DIP2B: variants seen among roughly 807,000 people sequenced by gnomAD.
DIP2B encodes DIP2 acetate--CoA ligase B (putative), also known as disco-interacting protein 2 homolog B.
A neutral mutation model predicts 198.0 loss-of-function variants in DIP2B; 76 were observed. That is an observed-to-expected ratio of 0.38 (90% CI 0.32 to 0.46). The LOEUF (loss-of-function observed/expected upper bound fraction) is 0.46. DIP2B is among the 20% of genes least tolerant of loss of function. The probability of loss-of-function intolerance (pLI) is 0.99; values close to 1 mark genes in which losing one functional copy is unlikely to be tolerated. For missense variants in DIP2B, 1,559 were observed against 1,978.4 expected (o/e 0.79, Z 4.02); for synonymous variants, 701 against 739.1 (o/e 0.95, Z 0.84).
At chr12:50,526,793 G>A (rs1025404872) in intron 1 of DIP2B, among the ~76,000 whole-genome samples, 25 of 151,916 alleles carry the variant, frequency 1.6e-4, no homozygotes, top group East Asian at 7.7e-4. Flanking sequence ...GTGCCACCAC[G>A]CTTGGCTACT....
intron 10 of DIP2B, among the ~76,000 whole-genome samples, chr12:50,684,002 A>G (rs944768678): frequency 7.2e-5 from 11 of 152,036 alleles, no homozygotes; most frequent in African/African-American, 1.9e-4. Flanking sequence ...AGTCCCAGCT[A>G]TTTGAGAAGC....
intron 1 of DIP2B, among the ~76,000 whole-genome samples, chr12:50,540,066 T>G (rs1487836347): frequency 1.7e-4 from 24 of 137,942 alleles, no homozygotes; most frequent in Non-Finnish European, 3.1e-4. Context: ...TTTTTTTTTT[T>G]TTTTTTTTTT....
rs755704625 is a variant in DIP2B, at chr12:50,675,442, G to T, written c.910G>T (p.Val304Leu). The T allele has an allele frequency of 4.3e-6, 7 of 1,613,386 alleles. No individual in the cohort carries two copies. Among genetic ancestry groups the T allele is most frequent in the Middle Eastern group, 3.3e-4 (2 of 6,056 alleles). The change falls in exon 7 of 38, where the codon GTG becomes TTG. Residue 304 changes from valine (V) to leucine (L), a missense_variant. Val to Leu is a conservative substitution (Grantham distance 32). Coordinates refer to ENST00000301180, the MANE Select transcript of DIP2B (RefSeq NM_173602.3). ...EFFVDDSEEIVEVPQPDPNQP... is the reference protein window; with the variant it reads ...EFFVDDSEEILEVPQPDPNQP... ...TTTTGTGGATGACTCTGAAGAAATT[G>T]TGGAAGGTAGTAGTAAAAATACCAA... is the stretch of plus-strand genomic sequence containing the variant.
chr12:50,550,725 C>G (rs940169565), intron 1 of DIP2B, among the ~76,000 whole-genome samples: 6 of 152,196 alleles, frequency 3.9e-5, no homozygotes, highest in African/African-American at 4.8e-5. Context: ...GTAAATACTA[C>G]TGTAGCCCAG....
intron 21 of DIP2B, 23 bp from the exon 22 acceptor site, chr12:50,708,425 T>C: frequency 8.3e-6 from 13 of 1,561,158 alleles, no homozygotes; most frequent in Non-Finnish European, 1.1e-5. Flanking sequence ...GGAGTCCTGA[T>C]GTGTTTGATC....
chr12:50,725,565 G>A (rs1449155199), intron 28 of DIP2B, among the ~76,000 whole-genome samples: 2 of 152,096 alleles, frequency 1.3e-5, no homozygotes, highest in Non-Finnish European at 2.9e-5. Flanking sequence ...CTGAGTATCC[G>A]TACTAACCTG....
At chr12:50,624,918 G>A (rs1937903034) in intron 1 of DIP2B, among the ~76,000 whole-genome samples, 1 of 152,142 alleles carries the variant, frequency 6.6e-6, no homozygotes, top group Admixed American at 6.5e-5. Context: ...TGGAGGCTGA[G>A]GCCAACAGCA....
intron 2 of DIP2B, among the ~76,000 whole-genome samples, chr12:50,627,633 A>C (rs144533871): frequency 2.0e-5 from 3 of 152,304 alleles, no homozygotes; most frequent in African/African-American, 7.2e-5. Context: ...CTGGCCTACT[A>C]TGAGAAATCT....
intron 1 of DIP2B, 94 bp from the exon 2 acceptor site, chr12:50,625,882 T>TATTCC: frequency 7.7e-7 from 1 of 1,297,726 alleles, no homozygotes. Flanking sequence ...CTATATGGGG[T>TATTCC]AGTTCTATAA....
chr12:50,516,196 C>T (rs75758664), intron 1 of DIP2B, among the ~76,000 whole-genome samples: 1 of 151,188 alleles, frequency 6.6e-6, no homozygotes, highest in Non-Finnish European at 1.5e-5. Context: ...ATGACCTAAT[C>T]ACCTCCTAGA....
chr12:50,740,495 G>A lies in DIP2B; in HGVS notation c.4354+909G>A, dbSNP rs80157944. Among the ~76,000 whole-genome samples, 929 of 152,258 alleles carry A rather than the reference G, an allele frequency of 6.1e-3. 9 individuals are homozygous for A. The highest frequency in any genetic ancestry group is 0.022 in the African/African-American group (895 of 41,534). On this transcript the variant is annotated intron_variant, in intron 36 of 37. Coordinates refer to ENST00000301180, the MANE Select transcript of DIP2B (RefSeq NM_173602.3). The stretch of plus-strand genomic sequence containing the variant: ...CATGATGCATTTAGATGCCAAGAAC[G>A]GTGCCTGGCACACAGGAAGCACCCA...
At chr12:50,705,702 GC>G (rs1411152427) in intron 20 of DIP2B, among the ~76,000 whole-genome samples, 1 of 152,234 alleles carries the variant, frequency 6.6e-6, no homozygotes, top group Non-Finnish European at 1.5e-5. Flanking sequence ...TGGCTTTTCA[GC>G]CTTTGTTGGA....
At chr12:50,538,351 G>A (rs550416568) in intron 1 of DIP2B, among the ~76,000 whole-genome samples, 1 of 152,220 alleles carries the variant, frequency 6.6e-6, no homozygotes, top group Non-Finnish European at 1.5e-5. Flanking sequence ...AGCCATCGGG[G>A]AGTGTGAGAG....
intron 3 of DIP2B, among the ~76,000 whole-genome samples, chr12:50,649,744 T>C (rs1335662785): frequency 3.9e-5 from 6 of 152,060 alleles, no homozygotes; most frequent in African/African-American, 1.4e-4. Context: ...TAGTCCCAGC[T>C]ACTCAGGATG....
At chr12:50,677,565 A>G (rs566045009) in intron 7 of DIP2B, among the ~76,000 whole-genome samples, 7 of 152,244 alleles carry the variant, frequency 4.6e-5, no homozygotes, top group African/African-American at 1.7e-4. Flanking sequence ...CAGTGAGCCG[A>G]GATCGCTCCA....
At chr12:50,725,620 C>G (rs1939918421) in intron 28 of DIP2B, among the ~76,000 whole-genome samples, 1 of 152,134 alleles carries the variant, frequency 6.6e-6, no homozygotes, top group South Asian at 2.1e-4. Flanking sequence ...TAACACAAAG[C>G]TTCTAGCATG....
At chr12:50,618,533 T>G (rs1937745173) in intron 1 of DIP2B, among the ~76,000 whole-genome samples, 1 of 152,214 alleles carries the variant, frequency 6.6e-6, no homozygotes. Context: ...TTTTGTGATG[T>G]TTTCTCAATC....
At chr12:50,603,057 G>A (rs1323885037) in intron 1 of DIP2B, among the ~76,000 whole-genome samples, 5 of 151,512 alleles carry the variant, frequency 3.3e-5, no homozygotes, top group Non-Finnish European at 5.9e-5. Flanking sequence ...CCAGCTACTC[G>A]GGAGGCTGAG....
rs1425568583 is a variant in DIP2B, at chr12:50,721,295, G to A, written c.3065G>A (p.Ser1022Asn). ...AAGGGAACCACTGTATGCACAGCCA[G>A]CTGCCTTCAGCTTCATAAGCGAGCA... The part of the protein sequence containing the change: ...NAKGTTVCTA[S>N]CLQLHKRAER... The change falls in exon 26 of 38, where the codon AGC becomes AAC. Residue 1022 changes from serine (S) to asparagine (N), a missense_variant. Coordinates refer to ENST00000301180, the MANE Select transcript of DIP2B (RefSeq NM_173602.3). 6.2e-7 allele frequency: 1 copy of A among 1,614,118 alleles called. No homozygotes were observed. Among genetic ancestry groups the A allele is most frequent in the Admixed American group, 1.7e-5 (1 of 60,012 alleles).
Sources: allele counts gnomAD v4.1 joint callset (sites outside exome capture counted in the v4.1 genomes callset), GRCh38; gene constraint gnomAD v4.1.1; transcripts MANE v1.5; gene names NCBI Gene and HGNC (gene_info 2026-07-23, HGNC 2026-07-21).